The following ADAM22 variants were observed in gnomAD, a reference collection of about 807,000 sequenced individuals.
ADAM22 encodes disintegrin and metalloproteinase domain-containing protein 22.
Under a neutral mutation model 144.6 loss-of-function variants are expected in ADAM22, and 65 were observed. The ratio of observed to expected loss-of-function variants is 0.45; its 90% CI spans 0.37 to 0.55. ADAM22 has a LOEUF of 0.55. ADAM22 is among the 20% of genes least tolerant of loss of function. ADAM22 has a pLI of 0.00. For missense variants in ADAM22, 974 were observed against 1,184.9 expected (o/e 0.82, Z 2.61); for synonymous variants, 391 against 412.6 (o/e 0.95, Z 0.63).
intron 3 of ADAM22, among the ~76,000 whole-genome samples, chr7:88,070,027 A>G (rs945634283): frequency 1.3e-5 from 2 of 152,032 alleles, no homozygotes; most frequent in Non-Finnish European, 2.9e-5. Context: ...GCCGGGCTTT[A>G]AGCTAGCTAT....
At chr7:88,067,522 A>T (rs7777040) in intron 3 of ADAM22, among the ~76,000 whole-genome samples, 56,122 of 151,788 alleles carry the variant, frequency 0.37, 11,576 homozygotes, top group South Asian at 0.61. Context: ...GTAGACTGTT[A>T]ATTTGATTAA....
chr7:88,130,394 A>G lies in ADAM22; in HGVS notation c.760A>G (p.Lys254Glu). The change falls in exon 10 of 32, where the codon AAA (lysine) becomes GAA (glutamate). Residue 254 changes from lysine to glutamate, a missense_variant. Physicochemically the swap from Lys to Glu is moderately conservative, Grantham distance 56. This residue lies in a region of ADAM22 where 734 missense variants were observed against 950.6 expected (regional missense o/e 0.77). Coordinates refer to ENST00000413139, the MANE Select transcript of ADAM22 (RefSeq NM_001324418.2). ...MIVNDHLMFK[K>E]HRLSVVHTNT... ...TGTTTTCTTTTGCTTTCAGTTTAAA[A>G]AACATCGGCTTTCCGTTGTACATAC... 6.2e-7 allele frequency: 1 copy of G among 1,612,222 alleles called. No homozygotes were observed. Among genetic ancestry groups the G allele is most frequent in the Middle Eastern group, 1.7e-4 (1 of 6,052 alleles).
At chr7:88,174,115 GA>G (rs968697721) in intron 26 of ADAM22, among the ~76,000 whole-genome samples, 26 of 152,122 alleles carry the variant, frequency 1.7e-4, no homozygotes, top group Non-Finnish European at 7.4e-5. Flanking sequence ...CCAATTCCTG[GA>G]GAGGACAGGC....
chr7:88,163,748 TA>T (rs1842313316), intron 23 of ADAM22, among the ~76,000 whole-genome samples: 1 of 152,148 alleles, frequency 6.6e-6, no homozygotes, highest in Admixed American at 6.6e-5. Flanking sequence ...TTCTTTCAGT[TA>T]TATATCAGAT....
At chr7:87,983,373 C>T (rs191397991) in intron 3 of ADAM22, among the ~76,000 whole-genome samples, 4 of 151,934 alleles carry the variant, frequency 2.6e-5, no homozygotes, top group East Asian at 1.9e-4. Context: ...TTTTATAGGC[C>T]CTGAACATAT....
intron 3 of ADAM22, among the ~76,000 whole-genome samples, chr7:88,064,961 T>G (rs1298272603): frequency 6.6e-6 from 1 of 152,140 alleles, no homozygotes; most frequent in African/African-American, 2.4e-5. Context: ...GTAGCAGTGG[T>G]AATAGTAGTA....
chr7:88,002,464 A>C (rs547768716), intron 3 of ADAM22, among the ~76,000 whole-genome samples: 84 of 152,284 alleles, frequency 5.5e-4, no homozygotes, highest in African/African-American at 1.8e-3. Context: ...AATGTGAGGG[A>C]GGGGTGATTT....
At chr7:88,003,891 GTC>G (rs1304602163) in intron 3 of ADAM22, among the ~76,000 whole-genome samples, 2 of 152,192 alleles carry the variant, frequency 1.3e-5, no homozygotes, top group Non-Finnish European at 2.9e-5. Context: ...GCTCTACCGA[GTC>G]TCAAGTGAGC....
intron 2 of ADAM22, among the ~76,000 whole-genome samples, chr7:87,957,029 T>G (rs1846953840): frequency 6.6e-6 from 1 of 152,204 alleles, no homozygotes; most frequent in Non-Finnish European, 1.5e-5. Context: ...TGCACTCAAG[T>G]GATTTCAGAG....
chr7:88,178,610 T>A (rs539828697), intron 26 of ADAM22, among the ~76,000 whole-genome samples: 1,606 of 151,446 alleles, frequency 0.011, 27 homozygotes, highest in African/African-American at 0.036. Flanking sequence ...TTCGACATAT[T>A]TTTTTTTTAA....
chr7:88,053,829 T>G (rs1294731745), intron 3 of ADAM22, among the ~76,000 whole-genome samples: 1 of 151,972 alleles, frequency 6.6e-6, no homozygotes, highest in East Asian at 1.9e-4. Flanking sequence ...CAGTTTTTTA[T>G]TATTACAAAT....
intron 30 of ADAM22, among the ~76,000 whole-genome samples, chr7:88,188,933 A>G (rs1352121590): frequency 6.6e-6 from 1 of 152,164 alleles, no homozygotes; most frequent in African/African-American, 2.4e-5. Context: ...GGCTCAAGCA[A>G]TCCACCTGCC....
chr7:88,104,750 A>T (rs533222971), intron 4 of ADAM22, among the ~76,000 whole-genome samples: 1 of 152,198 alleles, frequency 6.6e-6, no homozygotes, highest in East Asian at 1.9e-4. Context: ...AATTACATAT[A>T]CCACCAGTTG....
intron 22 of ADAM22, among the ~76,000 whole-genome samples, chr7:88,162,498 A>C (rs1169645923): frequency 6.6e-6 from 1 of 152,126 alleles, no homozygotes; most frequent in Non-Finnish European, 1.5e-5. Context: ...AAAGTTTAAA[A>C]AATGGTGACT....
chr7:88,090,202 G>A (rs561418481), intron 4 of ADAM22, among the ~76,000 whole-genome samples: 1 of 152,274 alleles, frequency 6.6e-6, no homozygotes, highest in Admixed American at 6.5e-5. Context: ...GGGAGATTTA[G>A]GTTAAGGACT....
intron 3 of ADAM22, among the ~76,000 whole-genome samples, chr7:88,052,971 A>G (rs1806924225): frequency 6.6e-6 from 1 of 152,158 alleles, no homozygotes; most frequent in Admixed American, 6.5e-5. Context: ...GGTTAAATGT[A>G]TTTATTTTTT....
At chr7:88,082,732 A>G (rs1229276309) in intron 4 of ADAM22, among the ~76,000 whole-genome samples, 1 of 152,208 alleles carries the variant, frequency 6.6e-6, no homozygotes, top group African/African-American at 2.4e-5. Context: ...AAAACACATG[A>G]AAAAATGCTC....
intron 14 of ADAM22, among the ~76,000 whole-genome samples, chr7:88,136,526 G>A (rs1487092511): frequency 2.0e-5 from 3 of 151,906 alleles, no homozygotes; most frequent in Non-Finnish European, 2.9e-5. Context: ...CTGCTCTCCC[G>A]AGAAAGGTTT....
At chr7:88,173,618 C>T (rs1202262351) in intron 26 of ADAM22, among the ~76,000 whole-genome samples, 1 of 152,064 alleles carries the variant, frequency 6.6e-6, no homozygotes, top group Non-Finnish European at 1.5e-5. Context: ...TATCTATAGA[C>T]ATTCAAGTAA....
Sources: gnomAD v4.1 joint callset for allele counts (sites outside exome capture counted in the v4.1 genomes callset) on GRCh38, gnomAD v4.1.1 for gene constraint, gnomAD v4.1.1 regional missense constraint, MANE v1.5 for transcripts, NCBI Gene and HGNC (gene_info 2026-07-23, HGNC 2026-07-21) for gene names.